The following ENPEP variants were observed in gnomAD, a reference collection of about 807,000 sequenced individuals.
ENPEP encodes the protein AP-A.
A neutral mutation model predicts 114.5 loss-of-function variants in ENPEP; 103 were observed. The ratio of observed to expected loss-of-function variants is 0.90; its 90% CI spans 0.77 to 1.06. The LOEUF is 1.06. Among genes scored for constraint, ENPEP ranks in the 50% least tolerant of loss-of-function variants. ENPEP has a pLI of 0.00. For synonymous variants in ENPEP, 420 were observed against 422.0 expected (o/e 1.00, Z 0.06); for missense variants, 1,196 against 1,161.3 (o/e 1.03, Z -0.43).
intron 2 of ENPEP, 64 bp downstream of exon 2, chr4:110,488,746 T>C: frequency 6.5e-7 from 1 of 1,527,904 alleles, no homozygotes; most frequent in South Asian, 1.3e-5. Flanking sequence ...GCCAGTTACC[T>C]GATTTTCTGT....
intron 10 of ENPEP, among the ~76,000 whole-genome samples, chr4:110,524,327 G>C (rs1726115813): frequency 6.6e-6 from 1 of 152,122 alleles, no homozygotes. Flanking sequence ...TTAAGTTTTT[G>C]AGTAGTGATG....
chr4:110,559,091 C>G (rs1464504980), intron 18 of ENPEP: 1 of 152,486 alleles, frequency 6.6e-6, no homozygotes, highest in Non-Finnish European at 1.5e-5. Flanking sequence ...TGGTTAGACT[C>G]CTGAAGTGAG....
chr4:110,489,600 G>A (rs905597483), intron 2 of ENPEP, among the ~76,000 whole-genome samples: 15 of 151,912 alleles, frequency 9.9e-5, no homozygotes, highest in Admixed American at 9.2e-4. Context: ...AGAAAAAAGA[G>A]AAAAAATTTT....
Position 110,561,658 on chromosome 4 carries a change from C to T in ENPEP, c.*100C>T, listed in dbSNP as rs910144550. 1.8e-6 allele frequency: 2 copies of T among 1,127,482 alleles called. No individual in the cohort carries two copies. 69.8% of individuals were successfully genotyped at this position (1,127,482 alleles called of 1,614,324 possible). A position where few individuals can be genotyped will look rare whatever the true frequency, so the allele number is the denominator to read the frequency against. On this transcript the variant is annotated 3_prime_UTR_variant, in exon 20 of 20. Transcript: ENST00000265162. ...AGCACGATGGAGAGAGCCTTATAAA[C>T]AGATAATGCTTTTACTAAGCACTGT...
At chr4:110,514,707 A>G (rs1203143405) in intron 7 of ENPEP, among the ~76,000 whole-genome samples, 1 of 150,492 alleles carries the variant, frequency 6.6e-6, no homozygotes, top group African/African-American at 2.4e-5. Context: ...AAGTGGGGGC[A>G]GTGTTCTTTT....
intron 4 of ENPEP, among the ~76,000 whole-genome samples, chr4:110,508,680 G>T (rs1477478596): frequency 1.3e-5 from 2 of 151,950 alleles, no homozygotes; most frequent in Non-Finnish European, 2.9e-5. Flanking sequence ...GCGCGGTGGC[G>T]GGCGCCTGTA....
In ENPEP at chr4:110,562,658, T is replaced by C. The variant is rs1041889509; in HGVS notation, c.*1100T>C. The C allele has an allele frequency of 2.6e-5, 4 of 152,138 alleles. No homozygotes were observed. The highest frequency in any genetic ancestry group is 4.4e-5 in the Non-Finnish European group (3 of 67,988). 9.4% of individuals were successfully genotyped at this position (152,138 alleles called of 1,614,324 possible). ...CATACAGAATAGCACTGATCAAATTTAAATGCATGACTTGATTAAAGACAT... is the reference window on the plus strand; with the variant it reads ...CATACAGAATAGCACTGATCAAATTCAAATGCATGACTTGATTAAAGACAT... On this transcript the variant is annotated 3_prime_UTR_variant, in exon 20 of 20. Transcript: ENST00000265162.
chr4:110,510,427 T>A, intron 6 of ENPEP, 69 bp downstream of exon 6: 1 of 1,290,510 alleles, frequency 7.7e-7, no homozygotes, highest in Non-Finnish European at 1.1e-6. Context: ...GCCTTTGGAC[T>A]ATGATAATGG....
intron 17 of ENPEP, among the ~76,000 whole-genome samples, chr4:110,550,349 T>G (rs1181749095): frequency 6.6e-6 from 1 of 152,096 alleles, no homozygotes; most frequent in Non-Finnish European, 1.5e-5. Flanking sequence ...TTCATCATTG[T>G]GAGTCACACT....
In ENPEP at chr4:110,476,919, G is replaced by C; in HGVS notation, c.505G>C (p.Val169Leu). Residue 169 changes from valine (V) to leucine (L), a missense_variant, in exon 1 of 20, where the codon GTG becomes CTG. By Grantham distance (32) the Val-to-Leu change is conservative. Transcript: ENST00000265162. ...RCFEYKKQEY[V>L]VVEAEEELTP... ...TTTCGAGTACAAAAAGCAGGAGTAC[G>C]TGGTGGTCGAGGCGGAGGAAGAGCT... 1 of 1,614,190 alleles carries C rather than the reference G, an allele frequency of 6.2e-7. No individual in the cohort carries two copies.
At chr4:110,531,646 A>AT (rs1370200405) in intron 11 of ENPEP, among the ~76,000 whole-genome samples, 3 of 151,848 alleles carry the variant, frequency 2.0e-5, no homozygotes, top group Admixed American at 6.6e-5. Flanking sequence ...AAGCCTGAGG[A>AT]TTTTTTTAAT....
chr4:110,511,190 A>T (rs2110355106), intron 6 of ENPEP, among the ~76,000 whole-genome samples: 2 of 152,326 alleles, frequency 1.3e-5, no homozygotes, highest in South Asian at 4.1e-4. Context: ...AAGCCCTTAC[A>T]GTTTCTGTAG....
At chr4:110,494,196 C>T (rs961409901) in intron 3 of ENPEP, among the ~76,000 whole-genome samples, 4 of 152,064 alleles carry the variant, frequency 2.6e-5, no homozygotes, top group Non-Finnish European at 4.4e-5. Context: ...AACCTGTTTC[C>T]GACCCATTCC....
At chr4:110,542,476 A>G (rs1477677196) in intron 11 of ENPEP, among the ~76,000 whole-genome samples, 1 of 152,048 alleles carries the variant, frequency 6.6e-6, no homozygotes, top group Non-Finnish European at 1.5e-5. Flanking sequence ...TATTTCGCCC[A>G]TTTGACAAGC....
intron 7 of ENPEP, 125 bp from the exon 8 acceptor site, chr4:110,515,252 A>G: frequency 1.3e-6 from 1 of 758,196 alleles, no homozygotes; most frequent in Non-Finnish European, 2.2e-6. Flanking sequence ...ATAATTTAGC[A>G]GAATCATCTT....
chr4:110,542,737 A>C lies in ENPEP; in HGVS notation c.1808-14A>C, dbSNP rs766760885. The C allele has an allele frequency of 2.8e-5, 45 of 1,604,708 alleles. No homozygotes were observed. The highest frequency in any genetic ancestry group is 3.8e-5 in the Non-Finnish European group (45 of 1,175,038). ...GCAAACATGTTGCTCATTAGTGTTT[A>C]TTTACTACTACAGGAATCACTTTGA... On this transcript the variant is annotated splice_polypyrimidine_tract_variant and intron_variant, in intron 11 of 19. Coordinates refer to ENST00000265162, the MANE Select transcript of ENPEP (RefSeq NM_001977.4).
At chr4:110,533,697 GA>G (rs1260438762) in intron 11 of ENPEP, among the ~76,000 whole-genome samples, 1 of 152,172 alleles carries the variant, frequency 6.6e-6, no homozygotes, top group Non-Finnish European at 1.5e-5. Flanking sequence ...CTGTGAAAGT[GA>G]AAGAGCAGGG....
intron 3 of ENPEP, among the ~76,000 whole-genome samples, chr4:110,500,519 A>T (rs1482959684): frequency 6.6e-6 from 1 of 152,188 alleles, no homozygotes; most frequent in African/African-American, 2.4e-5. Context: ...TAGGTTCTTG[A>T]AGACTTATAA....
At chr4:110,524,536 A>T (rs1166363130) in intron 10 of ENPEP, among the ~76,000 whole-genome samples, 1 of 152,222 alleles carries the variant, frequency 6.6e-6, no homozygotes, top group East Asian at 1.9e-4. Flanking sequence ...AAGCAGATTT[A>T]TAAGTCTAAT....
Sources: gnomAD v4.1 joint callset for allele counts (sites outside exome capture counted in the v4.1 genomes callset) on GRCh38, gnomAD v4.1.1 for gene constraint, MANE v1.5 for transcripts, NCBI Gene and HGNC (gene_info 2026-07-23, HGNC 2026-07-21) for gene names.